Variants in ZFHX3 observed in about 807,000 individuals in gnomAD.
ZFHX3 encodes the protein zinc finger homeobox 3.
Under a neutral mutation model 279.1 loss-of-function variants are expected in ZFHX3, and 42 were observed. The ratio of observed to expected loss-of-function variants is 0.15; its 90% CI spans 0.12 to 0.19. ZFHX3 has a LOEUF of 0.19. Among genes scored for constraint, ZFHX3 ranks in the 10% least tolerant of loss-of-function variants. The probability of loss-of-function intolerance (pLI) is 1.00; values close to 1 mark genes in which losing one functional copy is unlikely to be tolerated. For synonymous variants in ZFHX3, 2,293 were observed against 1,957.8 expected, an observed-to-expected ratio of 1.17 and a Z score of -4.52; for missense variants, 4,981 against 4,754.0, an observed-to-expected ratio of 1.05 and a Z score of -1.40.
chr16:73,783,126 A>G (rs1439935830), intron 1 of ZFHX3, among the ~76,000 whole-genome samples: 1 of 152,166 alleles, frequency 6.6e-6, no homozygotes, highest in East Asian at 1.9e-4. Flanking sequence ...AGCTGCCCGG[A>G]GAGTTGGCTT....
chr16:72,919,173 T>TTA (rs1471419133), intron 3 of ZFHX3, among the ~76,000 whole-genome samples: 2 of 151,718 alleles, frequency 1.3e-5, no homozygotes, highest in Admixed American at 1.3e-4. Flanking sequence ...TTTTTTTTTT[T>TTA]AGAGACAGGG....
intron 2 of ZFHX3, among the ~76,000 whole-genome samples, chr16:73,636,553 C>T (rs1449881590): frequency 6.6e-6 from 1 of 151,916 alleles, no homozygotes; most frequent in East Asian, 1.9e-4. Context: ...ACCTGTTCAA[C>T]AAGGTGGGAA....
intron 2 of ZFHX3, among the ~76,000 whole-genome samples, chr16:73,675,482 A>G (rs539879597): frequency 6.6e-6 from 1 of 152,194 alleles, no homozygotes; most frequent in Admixed American, 6.5e-5. Flanking sequence ...AGGTTCTAGA[A>G]TGTGTTGGGC....
intron 5 of ZFHX3, among the ~76,000 whole-genome samples, chr16:73,230,594 C>A (rs778913459): frequency 6.6e-6 from 1 of 152,174 alleles, no homozygotes; most frequent in African/African-American, 2.4e-5. Flanking sequence ...ACACAAAAGT[C>A]ATCCCTTTTT....
chr16:73,710,768 C>A (rs542488526), intron 1 of ZFHX3, among the ~76,000 whole-genome samples: 1 of 152,158 alleles, frequency 6.6e-6, no homozygotes, highest in Non-Finnish European at 1.5e-5. Context: ...GCTTCCCCCT[C>A]GACCCCCGGC....
chr16:73,301,070 T>A (rs886809186), intron 4 of ZFHX3, among the ~76,000 whole-genome samples: 1 of 152,206 alleles, frequency 6.6e-6, no homozygotes, highest in Admixed American at 6.5e-5. Flanking sequence ...CTCGATGGCA[T>A]CTTGAAGGGA....
At chr16:73,536,323 A>G (rs1471319419) in intron 2 of ZFHX3, among the ~76,000 whole-genome samples, 2 of 152,236 alleles carry the variant, frequency 1.3e-5, no homozygotes, top group East Asian at 3.9e-4. Context: ...TGAAGTTCAC[A>G]CCAGGAAAAA....
At chr16:73,785,083 A>C (rs1959603970) in intron 1 of ZFHX3, among the ~76,000 whole-genome samples, 1 of 152,120 alleles carries the variant, frequency 6.6e-6, no homozygotes, top group African/African-American at 2.4e-5. Flanking sequence ...ATCTCTTACA[A>C]TTTGTAAGTA....
At chr16:73,263,924 T>C (rs1430617135) in intron 4 of ZFHX3, among the ~76,000 whole-genome samples, 3 of 152,160 alleles carry the variant, frequency 2.0e-5, no homozygotes. Flanking sequence ...CCCAGCACTT[T>C]GGGAGGCCCA....
intron 5 of ZFHX3, among the ~76,000 whole-genome samples, chr16:72,817,267 C>T (rs773495310): frequency 6.6e-5 from 10 of 152,148 alleles, no homozygotes; most frequent in Non-Finnish European, 1.0e-4. Context: ...CTAACAAATT[C>T]GACATCCGAA....
At chr16:73,333,161 A>T (rs2015838916) in intron 3 of ZFHX3, among the ~76,000 whole-genome samples, 1 of 152,262 alleles carries the variant, frequency 6.6e-6, no homozygotes, top group Non-Finnish European at 1.5e-5. Flanking sequence ...GGATACATAG[A>T]CACATGGATA....
intron 5 of ZFHX3, among the ~76,000 whole-genome samples, chr16:72,812,249 TAAC>T (rs1188932169): frequency 1.3e-5 from 2 of 152,218 alleles, no homozygotes; most frequent in Non-Finnish European, 2.9e-5. Context: ...GTCACTACTT[TAAC>T]AACTGAACAT....
chr16:73,430,589 C>T (rs192012742), intron 3 of ZFHX3, among the ~76,000 whole-genome samples: 1 of 152,140 alleles, frequency 6.6e-6, no homozygotes, highest in Non-Finnish European at 1.5e-5. Flanking sequence ...AGAGTTATAA[C>T]AGGAGTAGGA....
intron 1 of ZFHX3, among the ~76,000 whole-genome samples, chr16:73,707,915 A>G (rs1252861705): frequency 1.3e-5 from 2 of 152,186 alleles, no homozygotes; most frequent in Non-Finnish European, 2.9e-5. Flanking sequence ...AGAGGCACAC[A>G]CAGGAGATTT....
chr16:73,841,264 A>G (rs569320711), intron 1 of ZFHX3, among the ~76,000 whole-genome samples: 4 of 152,114 alleles, frequency 2.6e-5, no homozygotes, highest in South Asian at 4.2e-4. Context: ...TTCAGCTCCT[A>G]CATCACAAGG....
intron 3 of ZFHX3, among the ~76,000 whole-genome samples, chr16:73,398,967 C>T (rs1056080442): frequency 6.6e-6 from 1 of 151,968 alleles, no homozygotes; most frequent in Non-Finnish European, 1.5e-5. Flanking sequence ...TGGGTTCAAG[C>T]AATTCTCCTG....
chr16:73,489,642 G>T (rs8063831), intron 2 of ZFHX3, among the ~76,000 whole-genome samples: 10 of 151,736 alleles, frequency 6.6e-5, no homozygotes, highest in Non-Finnish European at 1.5e-4. Context: ...TCTTAAATTC[G>T]GTTCTAAGAA....
At chr16:73,881,973 C>T (rs1238157012) in intron 1 of ZFHX3, among the ~76,000 whole-genome samples, 1 of 152,078 alleles carries the variant, frequency 6.6e-6, no homozygotes, top group African/African-American at 2.4e-5. Flanking sequence ...TCTGCCGTCT[C>T]TTAGTCTCTT....
At chr16:73,719,958 T>C (rs2053458323) in intron 1 of ZFHX3, among the ~76,000 whole-genome samples, 1 of 152,212 alleles carries the variant, frequency 6.6e-6, no homozygotes, top group Non-Finnish European at 1.5e-5. Flanking sequence ...TATCTTCCAC[T>C]ACAAGAACAG....
Sources: allele counts gnomAD v4.1 joint callset (sites outside exome capture counted in the v4.1 genomes callset), GRCh38; gene constraint gnomAD v4.1.1; transcripts MANE v1.5; gene names NCBI Gene and HGNC (gene_info 2026-07-23, HGNC 2026-07-21).